NOVA1: variants seen among roughly 807,000 people sequenced by gnomAD.
The protein encoded by NOVA1 is NOVA alternative splicing regulator 1, also known as RNA-binding protein Nova-1.
NOVA1 carries 7 observed loss-of-function variants against 38.0 expected under a neutral mutation model. The ratio of observed to expected loss-of-function variants is 0.18; its 90% CI spans 0.10 to 0.35. NOVA1 has a LOEUF of 0.35. Among genes scored for constraint, NOVA1 ranks in the 10% least tolerant of loss-of-function variants. NOVA1 has a pLI of 1.00. For missense variants in NOVA1, 460 were observed against 616.0 expected (o/e 0.75, Z 2.68); for synonymous variants, 270 against 232.5 (o/e 1.16, Z -1.47).
intron 2 of NOVA1, among the ~76,000 whole-genome samples, chr14:26,541,172 T>A (rs750278479): frequency 1.3e-5 from 2 of 152,100 alleles, no homozygotes; most frequent in Non-Finnish European, 2.9e-5. Context: ...GCATGCTGAA[T>A]CTGTCATACT....
At chr14:26,449,101 A>G (rs1373018161) in intron 4 of NOVA1, 138 bp from the exon 5 acceptor site, 7 of 817,330 alleles carry the variant, frequency 8.6e-6, no homozygotes, top group Non-Finnish European at 1.2e-5. Context: ...ACAACTTTAA[A>G]GTGACTTTTA....
intron 3 of NOVA1, among the ~76,000 whole-genome samples, chr14:26,475,657 C>T (rs111380597): frequency 6.4e-4 from 98 of 152,066 alleles, no homozygotes; most frequent in African/African-American, 1.8e-3. Context: ...ATTCTTTAGA[C>T]GCTGAAGGGT....
chr14:26,444,960 T>C lies in NOVA1; in HGVS notation c.*2999A>G, dbSNP rs1404300207. ...TGAGGAAAAGATCTTGGATCTAGAA[T>C]GAGGTGTCCAATCTGTATGATAAAC... On this transcript the variant is annotated 3_prime_UTR_variant, in exon 5 of 5. Coordinates refer to ENST00000539517, the MANE Select transcript of NOVA1 (RefSeq NM_002515.3). 1 of 152,008 alleles carries C rather than the reference T, an allele frequency of 6.6e-6. No individual in the cohort carries two copies. The highest frequency in any genetic ancestry group is 1.5e-5 in the Non-Finnish European group (1 of 68,032). The allele number at this position is 152,008 out of a possible 1,614,324, so 9.4% of individuals were successfully genotyped here. A position where few individuals can be genotyped will look rare whatever the true frequency, so the allele number is the denominator to read the frequency against.
intron 2 of NOVA1, among the ~76,000 whole-genome samples, chr14:26,502,142 CT>C (rs1026599758): frequency 1.3e-5 from 2 of 151,686 alleles, no homozygotes; most frequent in African/African-American, 4.8e-5. Flanking sequence ...CTAGTTCCTT[CT>C]TTTTTTTCTC....
intron 2 of NOVA1, among the ~76,000 whole-genome samples, chr14:26,569,398 T>C (rs17111390): frequency 0.06 from 9,061 of 152,238 alleles, 774 homozygotes; most frequent in African/African-American, 0.19. Context: ...TTTGATTAAA[T>C]AGGAGCAGCA....
intron 2 of NOVA1, among the ~76,000 whole-genome samples, chr14:26,526,058 A>AT (rs990413064): frequency 2.0e-5 from 3 of 152,026 alleles, no homozygotes; most frequent in African/African-American, 7.2e-5. Flanking sequence ...ACTGTTGCTT[A>AT]TTTAAGTAAA....
intron 4 of NOVA1, among the ~76,000 whole-genome samples, chr14:26,468,315 A>G (rs994026762): frequency 2.0e-5 from 3 of 151,990 alleles, no homozygotes; most frequent in Non-Finnish European, 4.4e-5. Flanking sequence ...CAGGTTAAAA[A>G]AAAAAAAAAC....
chr14:26,533,214 C>T (rs1056776405), intron 2 of NOVA1, among the ~76,000 whole-genome samples: 2 of 152,150 alleles, frequency 1.3e-5, no homozygotes, highest in African/African-American at 4.8e-5. Flanking sequence ...AATCAGTAAA[C>T]TAATCTTTGG....
At chr14:26,452,177 T>C (rs1185826160) in intron 4 of NOVA1, among the ~76,000 whole-genome samples, 1 of 152,202 alleles carries the variant, frequency 6.6e-6, no homozygotes, top group African/African-American at 2.4e-5. Flanking sequence ...AGAATCCTCT[T>C]TGCCTTACAC....
intron 2 of NOVA1, among the ~76,000 whole-genome samples, chr14:26,485,807 AAT>A (rs1566467520): frequency 6.6e-6 from 1 of 152,152 alleles, no homozygotes; most frequent in Non-Finnish European, 1.5e-5. Context: ...TTATTTAGGA[AAT>A]ATTAATGTTA....
intron 2 of NOVA1, among the ~76,000 whole-genome samples, chr14:26,522,147 A>T (rs1297483995): frequency 1.3e-5 from 2 of 152,138 alleles, no homozygotes; most frequent in Non-Finnish European, 2.9e-5. Context: ...CTTGGGAGGC[A>T]TCTATAGAAT....
intron 2 of NOVA1, among the ~76,000 whole-genome samples, chr14:26,495,051 A>T (rs74042413): frequency 0.014 from 2,126 of 152,110 alleles, 42 homozygotes; most frequent in African/African-American, 0.047. Context: ...TCTTCACTCC[A>T]GGGAGTTAGG....
chr14:26,503,180 C>G (rs537871831), intron 2 of NOVA1, among the ~76,000 whole-genome samples: 10 of 152,040 alleles, frequency 6.6e-5, no homozygotes, highest in South Asian at 6.2e-4. Context: ...TAGATTGAAT[C>G]TAGTATTTAT....
At chr14:26,570,274 G>A (rs749997770) in intron 2 of NOVA1, among the ~76,000 whole-genome samples, 1 of 151,968 alleles carries the variant, frequency 6.6e-6, no homozygotes, top group African/African-American at 2.4e-5. Context: ...TTGAACCTGG[G>A]AGGCAGAGGT....
chr14:26,467,838 C>T (rs1884265582), intron 4 of NOVA1, among the ~76,000 whole-genome samples: 2 of 152,114 alleles, frequency 1.3e-5, no homozygotes, highest in South Asian at 4.1e-4. Flanking sequence ...CTTCAATCTT[C>T]TCAGTGAAGT....
chr14:26,570,051 A>G (rs73601980), intron 2 of NOVA1, among the ~76,000 whole-genome samples: 2,704 of 152,278 alleles, frequency 0.018, 73 homozygotes, highest in African/African-American at 0.062. Flanking sequence ...TATTCAAATA[A>G]AAGTATAAAC....
chr14:26,449,906 G>A (rs1882493411), intron 4 of NOVA1, among the ~76,000 whole-genome samples: 1 of 151,932 alleles, frequency 6.6e-6, no homozygotes, highest in Non-Finnish European at 1.5e-5. Flanking sequence ...AGCATATTTT[G>A]ACTTAATCAC....
intron 2 of NOVA1, among the ~76,000 whole-genome samples, chr14:26,543,574 G>A (rs1179126175): frequency 2.0e-5 from 3 of 151,908 alleles, no homozygotes; most frequent in African/African-American, 7.2e-5. Context: ...ACTTAACTTG[G>A]ACATTGAAGA....
At chr14:26,589,868 T>C (rs1893741531) in intron 2 of NOVA1, among the ~76,000 whole-genome samples, 1 of 151,868 alleles carries the variant, frequency 6.6e-6, no homozygotes, top group South Asian at 2.1e-4. Context: ...GCCATATCTT[T>C]AAAGAATAAA....
Sources: gnomAD v4.1 joint callset for allele counts (sites outside exome capture counted in the v4.1 genomes callset) on GRCh38, gnomAD v4.1.1 for gene constraint, MANE v1.5 for transcripts, NCBI Gene and HGNC (gene_info 2026-07-23, HGNC 2026-07-21) for gene names.